The following NINL variants were observed in gnomAD, a reference collection of about 807,000 sequenced individuals.
NINL encodes the protein ninein-like protein.
Under a neutral mutation model 160.3 loss-of-function variants are expected in NINL, and 153 were observed. That is an observed-to-expected ratio of 0.95 (90% CI 0.84 to 1.09). NINL has a LOEUF of 1.09. Among genes scored for constraint, NINL ranks in the 50% least tolerant of loss-of-function variants. The pLI, the probability that NINL is intolerant of heterozygous loss-of-function variation, is 0.00. For missense variants in NINL, 1,829 were observed against 1,764.0 expected, an observed-to-expected ratio of 1.04 and a Z score of -0.66; for synonymous variants, 800 against 734.8, an observed-to-expected ratio of 1.09 and a Z score of -1.43.
At chr20:25,492,832 A>G (rs1166065727) in intron 10 of NINL, among the ~76,000 whole-genome samples, 1 of 152,202 alleles carries the variant, frequency 6.6e-6, no homozygotes. Context: ...CCCCCGGGAA[A>G]GTGAGATTTC....
intron 1 of NINL, among the ~76,000 whole-genome samples, chr20:25,561,060 C>T (rs2064929795): frequency 2.1e-5 from 2 of 97,556 alleles, no homozygotes; most frequent in African/African-American, 7.7e-5. Flanking sequence ...CTCTCTCTCT[C>T]TTTCCACGGT....
intron 1 of NINL, among the ~76,000 whole-genome samples, chr20:25,567,826 T>C (rs1465221082): frequency 6.6e-6 from 1 of 151,948 alleles, no homozygotes; most frequent in Non-Finnish European, 1.5e-5. Flanking sequence ...ACACATCATT[T>C]CTCAATAATC....
intron 3 of NINL, among the ~76,000 whole-genome samples, chr20:25,515,014 C>A (rs1006613695): frequency 5.9e-5 from 9 of 152,152 alleles, no homozygotes; most frequent in African/African-American, 1.7e-4. Context: ...GGGGTTGGGG[C>A]CCACCCAGAG....
chr20:25,469,957 C>G, intron 18 of NINL, 34 bp downstream of exon 18: 1 of 1,511,106 alleles, frequency 6.6e-7, no homozygotes, highest in African/African-American at 1.4e-5. Context: ...CAAAACGCAC[C>G]CCCAGAAGGT....
chr20:25,565,795 G>C (rs898119802), intron 1 of NINL, among the ~76,000 whole-genome samples: 2 of 152,152 alleles, frequency 1.3e-5, no homozygotes, highest in Admixed American at 1.3e-4. Context: ...CATCTAATCT[G>C]CTGGGGGCCT....
At chr20:25,509,800 T>C (rs1372802462) in intron 5 of NINL, 5 of 431,326 alleles carry the variant, frequency 1.2e-5, no homozygotes, top group Non-Finnish European at 2.3e-5. Context: ...CTAGGATTCA[T>C]AATTAATATA....
intron 10 of NINL, among the ~76,000 whole-genome samples, chr20:25,496,263 G>C (rs2063750381): frequency 6.6e-6 from 1 of 152,260 alleles, no homozygotes; most frequent in South Asian, 2.1e-4. Context: ...CTGGAGTTGG[G>C]TTCCTTCTCT....
At chr20:25,559,907 T>C (rs1472485887) in intron 1 of NINL, among the ~76,000 whole-genome samples, 3 of 151,876 alleles carry the variant, frequency 2.0e-5, no homozygotes, top group Non-Finnish European at 2.9e-5. Context: ...ATGCCCCGCC[T>C]TGCATGATGC....
chr20:25,554,542 T>C (rs2064841961), intron 1 of NINL, among the ~76,000 whole-genome samples: 1 of 145,644 alleles, frequency 6.9e-6, no homozygotes, highest in Non-Finnish European at 1.5e-5. Flanking sequence ...CCCAGCACTT[T>C]GGGAGGCCGG....
chr20:25,473,717 C>CACACAT (rs1322291821), intron 17 of NINL, among the ~76,000 whole-genome samples: 1 of 136,236 alleles, frequency 7.3e-6, no homozygotes, highest in Non-Finnish European at 1.6e-5. Context: ...CACACACACA[C>CACACAT]ATCAGCTGGG....
chr20:25,461,370 C>T (rs903603994), intron 21 of NINL, 152 bp downstream of exon 21: 26 of 543,912 alleles, frequency 4.8e-5, no homozygotes, highest in Non-Finnish European at 6.4e-5. Flanking sequence ...GGAGCAGCTT[C>T]GGTCCTGGCC....
intron 1 of NINL, among the ~76,000 whole-genome samples, chr20:25,558,283 C>A (rs2064892855): frequency 6.6e-6 from 1 of 152,228 alleles, no homozygotes; most frequent in Non-Finnish European, 1.5e-5. Context: ...TCTCAGCTCA[C>A]TGAAACCTCC....
At chr20:25,457,498 C>G (rs576941060) in intron 22 of NINL, among the ~76,000 whole-genome samples, 92 of 152,356 alleles carry the variant, frequency 6.0e-4, no homozygotes, top group African/African-American at 2.1e-3. Flanking sequence ...GTGTATTCTT[C>G]TAGGGGGATT....
At chr20:25,461,838 A>G (rs1173876524) in intron 20 of NINL, among the ~76,000 whole-genome samples, 1 of 152,214 alleles carries the variant, frequency 6.6e-6, no homozygotes, top group Non-Finnish European at 1.5e-5. Context: ...CTGGTGAGAC[A>G]GTGTCAGGTG....
At chr20:25,532,359 A>G (rs2064479884) in intron 1 of NINL, among the ~76,000 whole-genome samples, 1 of 152,228 alleles carries the variant, frequency 6.6e-6, no homozygotes, top group Non-Finnish European at 1.5e-5. Flanking sequence ...AAGCATCCAC[A>G]GGAGGGCTGG....
intron 17 of NINL, 102 bp from the exon 18 acceptor site, chr20:25,470,197 T>G (rs1436293360): frequency 3.5e-6 from 3 of 845,140 alleles, no homozygotes; most frequent in Non-Finnish European, 6.0e-6. Flanking sequence ...TGCGTCCCCA[T>G]CTCCCCGTCC....
At chr20:25,506,416 G>A (rs2063962933) in intron 5 of NINL, among the ~76,000 whole-genome samples, 1 of 152,244 alleles carries the variant, frequency 6.6e-6, no homozygotes, top group African/African-American at 2.4e-5. Context: ...TATGACAGCA[G>A]CCTGCCACAG....
At chr20:25,515,087 A>G (rs2064137892) in intron 3 of NINL, among the ~76,000 whole-genome samples, 1 of 152,204 alleles carries the variant, frequency 6.6e-6, no homozygotes, top group African/African-American at 2.4e-5. Flanking sequence ...AGACCCTAGA[A>G]TGGTAGATCC....
Position 25,461,569 on chromosome 20 carries a change from G to C in NINL, c.3649C>G (p.Leu1217Val), listed in dbSNP as rs776391080. Reference protein sequence around the residue: ...CLNQEHQSLQLPWSELTQTLE... With the variant: ...CLNQEHQSLQVPWSELTQTLE... ...GTCTGGGTCAGCTCTGACCATGGCA[G>C]CTGCAGGCTCTGATGTTCCTGATTC... Residue 1217 changes from leucine to valine, a missense_variant, in exon 21 of 24, where the codon CTG (leucine) becomes GTG (valine). Physicochemically the swap from Leu to Val is conservative, Grantham distance 32 (BLOSUM62 1). Coordinates refer to ENST00000278886, the MANE Select transcript of NINL (RefSeq NM_025176.6). 6.2e-7 allele frequency: 1 copy of C among 1,606,688 alleles called. No homozygotes were observed. The highest frequency in any genetic ancestry group is 1.1e-5 in the South Asian group (1 of 89,614).
Sources: gnomAD v4.1 joint callset for allele counts (sites outside exome capture counted in the v4.1 genomes callset) on GRCh38, gnomAD v4.1.1 for gene constraint, MANE v1.5 for transcripts, NCBI Gene and HGNC (gene_info 2026-07-23, HGNC 2026-07-21) for gene names.